KIRREL1: variants seen among roughly 807,000 people sequenced by gnomAD.
KIRREL1 encodes kirre like nephrin family adhesion molecule 1.
In KIRREL1, 25 loss-of-function variants were observed where a neutral mutation model predicts 83.3. That is an observed-to-expected ratio of 0.30 (90% confidence interval 0.22 to 0.42). The LOEUF (loss-of-function observed/expected upper bound fraction) is 0.42, where lower values mean the gene tolerates loss of function less well. Ranked by LOEUF, KIRREL1 falls within the 10% of genes least tolerant of loss-of-function variation. The pLI is 1.00. For synonymous variants in KIRREL1, 388 were observed against 410.4 expected (o/e 0.95, Z 0.66); for missense variants, 812 against 1,032.3 (o/e 0.79, Z 2.92).
chr1:158,035,149 A>G (rs1660439521), intron 1 of KIRREL1, among the ~76,000 whole-genome samples: 1 of 152,192 alleles, frequency 6.6e-6, no homozygotes, highest in Non-Finnish European at 1.5e-5. Flanking sequence ...CCCCCTGGCT[A>G]GGTAGCTATT....
intron 1 of KIRREL1, among the ~76,000 whole-genome samples, chr1:158,042,212 G>GGGGTGT (rs1181587510): frequency 7.3e-6 from 1 of 137,652 alleles, no homozygotes; most frequent in Non-Finnish European, 1.6e-5. Flanking sequence ...TCTTCTCCAG[G>GGGGTGT]GTGTGTGTGT....
chr1:158,083,154 A>C (rs570171413), intron 3 of KIRREL1, among the ~76,000 whole-genome samples: 1 of 152,332 alleles, frequency 6.6e-6, no homozygotes, highest in African/African-American at 2.4e-5. Flanking sequence ...TGTTTGCAAC[A>C]TCATACATCG....
At chr1:158,007,906 T>C (rs1302149669) in intron 1 of KIRREL1, among the ~76,000 whole-genome samples, 1 of 152,046 alleles carries the variant, frequency 6.6e-6, no homozygotes, top group Non-Finnish European at 1.5e-5. Flanking sequence ...AGGAGTGAAG[T>C]GCGCCCTGCT....
intron 1 of KIRREL1, among the ~76,000 whole-genome samples, chr1:157,996,540 G>A (rs1043580886): frequency 3.3e-5 from 5 of 152,024 alleles, no homozygotes; most frequent in African/African-American, 1.2e-4. Flanking sequence ...CAGCTTTTGA[G>A]GGGAGTAAAG....
chr1:158,003,984 C>T (rs1235090555), intron 1 of KIRREL1, among the ~76,000 whole-genome samples: 1 of 152,162 alleles, frequency 6.6e-6, no homozygotes, highest in Non-Finnish European at 1.5e-5. Flanking sequence ...TTAAGACTGG[C>T]CTTTTTCAAC....
intron 10 of KIRREL1, among the ~76,000 whole-genome samples, chr1:158,090,136 A>C (rs1405110933): frequency 6.6e-6 from 1 of 151,876 alleles, no homozygotes; most frequent in Non-Finnish European, 1.5e-5. Context: ...CTAGGCCAGC[A>C]CTTGATTCAT....
At position 158,100,068 on chromosome 1, in the gene KIRREL1, G is replaced by T. The variant is rs992119408; in HGVS notation, c.*4948G>T. On this transcript the variant is annotated 3_prime_UTR_variant, in exon 15 of 15. Transcript: ENST00000359209. ...TGATAATTAAGAGAAGAGAAAAAAA[G>T]ATATTATTTTTGTTAGGACAAACCA... 1.3e-5 allele frequency: 2 copies of T among 152,032 alleles called. No individual in the cohort carries two copies. The highest frequency in any genetic ancestry group is 1.9e-4 in the East Asian group (1 of 5,194). 9.4% of individuals were successfully genotyped at this position (152,032 alleles called of 1,614,324 possible). A position where few individuals can be genotyped will look rare whatever the true frequency, so the allele number is the denominator to read the frequency against.
chr1:158,076,167 A>G lies in KIRREL1; in HGVS notation c.107A>G (p.Gln36Arg), dbSNP rs1661675735. 1 of 1,614,046 alleles carries G rather than the reference A, an allele frequency of 6.2e-7. No individual in the cohort carries two copies. The highest frequency in any genetic ancestry group is 1.1e-5 in the South Asian group (1 of 91,086). Reference protein sequence around the residue: ...EPADQTVVAGQRAVLPCVLLN... With the variant: ...EPADQTVVAGRRAVLPCVLLN... ...GCTGACCAGACGGTGGTGGCTGGAC[A>G]GCGGGCCGTGCTCCCCTGTGTGCTG... is the stretch of plus-strand genomic sequence containing the variant. Residue 36 changes from glutamine to arginine, a missense_variant, in exon 2 of 15, where the codon CAG becomes CGG. Gln to Arg is a conservative substitution (Grantham distance 43). Transcript: ENST00000359209.
At chr1:158,091,255 C>A in intron 10 of KIRREL1, 103 bp from the exon 11 acceptor site, 1 of 1,053,340 alleles carries the variant, frequency 9.5e-7, no homozygotes, top group Non-Finnish European at 1.4e-6. Context: ...GCACACATGG[C>A]ACATAGGGGT....
At chr1:157,998,977 A>G (rs1315464751) in intron 1 of KIRREL1, among the ~76,000 whole-genome samples, 1 of 152,202 alleles carries the variant, frequency 6.6e-6, no homozygotes, top group Non-Finnish European at 1.5e-5. Context: ...CTGAGGTGTT[A>G]GACCCCAGAT....
intron 1 of KIRREL1, among the ~76,000 whole-genome samples, chr1:158,040,126 C>T (rs1660585473): frequency 6.6e-6 from 1 of 152,214 alleles, no homozygotes; most frequent in Non-Finnish European, 1.5e-5. Context: ...AGGGGCATAA[C>T]ATAATCCTCA....
chr1:158,073,707 G>A (rs1661586459), intron 1 of KIRREL1, among the ~76,000 whole-genome samples: 1 of 152,210 alleles, frequency 6.6e-6, no homozygotes, highest in African/African-American at 2.4e-5. Flanking sequence ...GGGCCCATAT[G>A]AGGAATTGAC....
chr1:157,993,698 A>G lies in KIRREL1; in HGVS notation c.22A>G (p.Ile8Val). 2 of 1,494,422 alleles carry G rather than the reference A, an allele frequency of 1.3e-6. No homozygotes were observed. The highest frequency in any genetic ancestry group is 2.6e-5 in the South Asian group (2 of 78,082). The allele number at this position is 1,494,422 out of a possible 1,614,324, so 92.6% of individuals were successfully genotyped here. The change falls in exon 1 of 15, where the codon ATC (isoleucine) becomes GTC (valine). Residue 8 changes from isoleucine to valine, a missense_variant. Physicochemically the swap from Ile to Val is conservative, Grantham distance 29 (BLOSUM62 3). Coordinates refer to ENST00000359209, the MANE Select transcript of KIRREL1 (RefSeq NM_018240.7). Reference protein sequence around the residue: MLSLLVWILTLSDTFSQG... With the variant: MLSLLVWVLTLSDTFSQG... Reference sequence around the variant, plus strand: ...CAGCATGCTGAGCCTCCTCGTCTGGATCCTCACTCTCTCCGATACTTTCTC... The same window carrying G: ...CAGCATGCTGAGCCTCCTCGTCTGGGTCCTCACTCTCTCCGATACTTTCTC...
chr1:158,096,572 A>G lies in KIRREL1; in HGVS notation c.*1452A>G, dbSNP rs1662360110. ...GGTAAGGGGCCTGGAAATGGCCCTG[A>G]CAGAGAACTTGTGCTGACCGGGAGA... On this transcript the variant is annotated 3_prime_UTR_variant, in exon 15 of 15. Transcript: ENST00000359209. The G allele has an allele frequency of 2.2e-6, 1 of 456,912 alleles. No homozygotes were observed. The highest frequency in any genetic ancestry group is 2.0e-5 in the African/African-American group (1 of 50,032). The allele number at this position is 456,912 out of a possible 1,614,324, so 28.3% of individuals were successfully genotyped here. A position where few individuals can be genotyped will look rare whatever the true frequency, so the allele number is the denominator to read the frequency against.
chr1:158,003,364 C>T (rs1430992736), intron 1 of KIRREL1, among the ~76,000 whole-genome samples: 1 of 152,196 alleles, frequency 6.6e-6, no homozygotes, highest in African/African-American at 2.4e-5. Flanking sequence ...AAGTTTTCAT[C>T]TCTACTCCTG....
chr1:158,084,411 T>A lies in KIRREL1; in HGVS notation c.353-11T>A, dbSNP rs754976683. On this transcript the variant is annotated splice_polypyrimidine_tract_variant and intron_variant, in intron 3 of 14. Transcript: ENST00000359209. ...CACCCTGCACTGACTTTGCTCTGCT[T>A]TCTCCCACAGTCCCCCCAGAGGACA... is the stretch of plus-strand genomic sequence containing the variant. 1 of 1,547,376 alleles carries A rather than the reference T, an allele frequency of 6.5e-7. No individual in the cohort carries two copies. The highest frequency in any genetic ancestry group is 1.2e-5 in the South Asian group (1 of 83,406).
intron 1 of KIRREL1, among the ~76,000 whole-genome samples, chr1:158,003,268 G>C (rs1659418352): frequency 6.6e-6 from 1 of 152,142 alleles, no homozygotes; most frequent in Non-Finnish European, 1.5e-5. Flanking sequence ...GAGGAGGAGA[G>C]AACATAGTAG....
chr1:158,025,834 G>T (rs1338550696), intron 1 of KIRREL1: 1 of 151,868 alleles, frequency 6.6e-6, no homozygotes, highest in African/African-American at 2.4e-5. Flanking sequence ...AGGAGAGGCT[G>T]CTGCTAATTA....
chr1:158,056,110 C>T (rs1022170967), intron 1 of KIRREL1, among the ~76,000 whole-genome samples: 1 of 152,188 alleles, frequency 6.6e-6, no homozygotes, highest in African/African-American at 2.4e-5. Flanking sequence ...CAGGGATACA[C>T]TCCTCGCCCC....
Sources: allele counts gnomAD v4.1 joint callset (sites outside exome capture counted in the v4.1 genomes callset), GRCh38; gene constraint gnomAD v4.1.1; transcripts MANE v1.5; gene names NCBI Gene and HGNC (gene_info 2026-07-23, HGNC 2026-07-21).